CNPY1: variants seen among roughly 807,000 people sequenced by gnomAD.
The protein encoded by CNPY1 is protein canopy homolog 1.
CNPY1 carries 14 observed loss-of-function variants against 14.4 expected under a neutral mutation model. The ratio of observed to expected loss-of-function variants is 0.97; its 90% CI spans 0.64 to 1.52. The LOEUF is 1.52. CNPY1 is among the 40% of genes most tolerant of loss of function. The pLI, the probability that CNPY1 is intolerant of heterozygous loss-of-function variation, is 0.00. For synonymous variants in CNPY1, 43 were observed against 46.5 expected (o/e 0.92, Z 0.31); for missense variants, 129 against 131.5 (o/e 0.98, Z 0.09).
rs184310553 is a variant in CNPY1 at position 155,534,751 on chromosome 7, G to A, written c.99+11080C>T. 2.7e-3 allele frequency among the ~76,000 whole-genome samples: 406 copies of A among 152,334 alleles called. 12 individuals are homozygous for A. The highest frequency in any genetic ancestry group is 0.019 in the Admixed American group (296 of 15,306). On this transcript the variant is annotated intron_variant, in intron 2 of 4. Transcript: ENST00000636446. Reference sequence around the variant, plus strand: ...GGAACGTAATGGGACTCCGGCCTCCGGTGAAGGCCACAGTCAGGCCACAAC... The same window carrying A: ...GGAACGTAATGGGACTCCGGCCTCCAGTGAAGGCCACAGTCAGGCCACAAC...
intron 2 of CNPY1, among the ~76,000 whole-genome samples, chr7:155,535,239 G>A (rs1417698292): frequency 1.3e-5 from 2 of 152,182 alleles, no homozygotes; most frequent in East Asian, 3.8e-4. Flanking sequence ...TTGGTGCCAG[G>A]GCTTCAATCA....
intron 2 of CNPY1, among the ~76,000 whole-genome samples, chr7:155,534,610 G>C (rs563507999): frequency 3.9e-5 from 6 of 152,308 alleles, no homozygotes; most frequent in Admixed American, 3.9e-4. Flanking sequence ...CAGCGTCGCG[G>C]GATGGCCCAC....
At chr7:155,528,968 G>A (rs1169749269) in intron 2 of CNPY1, among the ~76,000 whole-genome samples, 1 of 152,080 alleles carries the variant, frequency 6.6e-6, no homozygotes, top group Non-Finnish European at 1.5e-5. Context: ...AGCTGAGGCA[G>A]GAGAATGGCG....
Position 155,542,410 on chromosome 7 carries a change from G to A in CNPY1, c.99+3421C>T, listed in dbSNP as rs562419974. ...AGGGAGCCAAGGAAGGAAGGTCCTGGGTGTGGGCATGGAAAGGCTCTTCAT... is the reference window on the plus strand; with the variant it reads ...AGGGAGCCAAGGAAGGAAGGTCCTGAGTGTGGGCATGGAAAGGCTCTTCAT... On this transcript the variant is annotated intron_variant, in intron 2 of 4. Transcript: ENST00000636446. Among the ~76,000 whole-genome samples, 4 of 152,262 alleles carry A rather than the reference G, an allele frequency of 2.6e-5. No homozygotes were observed. In the South Asian group the frequency reaches 6.2e-4, roughly 24 times the overall value.
At chr7:155,531,531 T>G (rs77345079) in intron 2 of CNPY1, among the ~76,000 whole-genome samples, 4,175 of 152,304 alleles carry the variant, frequency 0.027, 191 homozygotes, top group African/African-American at 0.095. Context: ...ACTTATAGGC[T>G]GCTCAAAGTG....
At chr7:155,511,172 T>C (rs1358341123) in intron 2 of CNPY1, among the ~76,000 whole-genome samples, 1 of 152,146 alleles carries the variant, frequency 6.6e-6, no homozygotes, top group East Asian at 1.9e-4. Flanking sequence ...TAAACATACT[T>C]GATACTTGGG....
intron 2 of CNPY1, among the ~76,000 whole-genome samples, chr7:155,544,225 T>TC (rs1585340043): frequency 6.6e-6 from 1 of 152,240 alleles, no homozygotes; most frequent in Non-Finnish European, 1.5e-5. Context: ...TTGGCCTGAC[T>TC]CCCCCCGCTC....
chr7:155,509,473 G>GGA (rs1178836392), intron 2 of CNPY1, among the ~76,000 whole-genome samples: 2 of 152,024 alleles, frequency 1.3e-5, no homozygotes, highest in Non-Finnish European at 2.9e-5. Flanking sequence ...GACAGAGAGA[G>GGA]GAGAGAGAGA....
rs183641482 is a variant in CNPY1, at chr7:155,503,085, T to C, written c.421A>G (p.Asn141Asp). ...CGGCACTCCTAGAGCTCAGTATGAT[T>C]AGCAGAAGTTTCACACAGATCTGGA... ...EKSDLCETSA[N>D]HTEL The change falls in exon 5 of 5, where the codon AAT becomes GAT. Residue 141 changes from asparagine (N) to aspartate (D), a missense_variant. Coordinates refer to ENST00000636446, the MANE Select transcript of CNPY1 (RefSeq NM_001393663.1). The C allele has an allele frequency of 3.1e-6, 5 of 1,605,686 alleles. No homozygotes were observed. The highest frequency in any genetic ancestry group is 4.2e-6 in the Non-Finnish European group (5 of 1,179,116).
chr7:155,524,914 C>G lies in CNPY1; in HGVS notation c.100-15817G>C, dbSNP rs1043995657. On this transcript the variant is annotated intron_variant, in intron 2 of 4. Coordinates refer to ENST00000636446, the MANE Select transcript of CNPY1 (RefSeq NM_001393663.1). ...TTAGGGACCACTGTTCTAAGGGGCC[C>G]AAGGGAAGATTCAGGTCTATTAGGT... Among the ~76,000 whole-genome samples the G allele has an allele frequency of 2.0e-5, 3 of 151,890 alleles. No individual in the cohort carries two copies. In the South Asian group the frequency reaches 6.3e-4, roughly 32 times the overall value.
chr7:155,529,989 G>C (rs181172841), intron 2 of CNPY1, among the ~76,000 whole-genome samples: 1 of 152,000 alleles, frequency 6.6e-6, no homozygotes, highest in South Asian at 2.1e-4. Flanking sequence ...TACCATGTTG[G>C]CCAGGCTGGT....
intron 2 of CNPY1, among the ~76,000 whole-genome samples, chr7:155,535,462 G>A (rs548233333): frequency 6.4e-4 from 98 of 152,246 alleles, no homozygotes; most frequent in African/African-American, 2.2e-3. Flanking sequence ...AATGGCAGCC[G>A]AACACACACA....
intron 2 of CNPY1, among the ~76,000 whole-genome samples, chr7:155,537,776 C>T (rs1190354190): frequency 6.6e-6 from 1 of 152,078 alleles, no homozygotes; most frequent in African/African-American, 2.4e-5. Flanking sequence ...TATAGTGTTC[C>T]ATCTTCTTAA....
Position 155,509,027 on chromosome 7 carries a change from T to TAGTC in CNPY1, c.166_169dup (p.Tyr57Ter), listed in dbSNP as rs1796429282. The TAGTC allele has an allele frequency of 6.2e-7, 1 of 1,612,980 alleles. No homozygotes were observed. The highest frequency in any genetic ancestry group is 1.1e-5 in the South Asian group (1 of 90,786). On this transcript the variant is annotated stop_gained and frameshift_variant, in exon 3 of 5. Coordinates refer to ENST00000636446, the MANE Select transcript of CNPY1 (RefSeq NM_001393663.1). LOFTEE classifies it high-confidence loss of function. ...CGTCACAGGGTCTTCCTCAAGCTTG[T>TAGTC]AGTCGTTCATTCGCTCACAGACTTT...
chr7:155,506,976 G>A (rs896324885), intron 4 of CNPY1, 44 bp downstream of exon 4: 1 of 1,267,402 alleles, frequency 7.9e-7, no homozygotes, highest in Non-Finnish European at 1.2e-6. Flanking sequence ...GTGAGAGAGA[G>A]AGGGTGTGCG....
At chr7:155,535,854 C>G (rs1340220813) in intron 2 of CNPY1, among the ~76,000 whole-genome samples, 1 of 152,192 alleles carries the variant, frequency 6.6e-6, no homozygotes, top group Admixed American at 6.5e-5. Context: ...ACCGATTCTG[C>G]TGTTCTCTGG....
At chr7:155,539,732 C>T (rs1209477504) in intron 2 of CNPY1, among the ~76,000 whole-genome samples, 2 of 152,154 alleles carry the variant, frequency 1.3e-5, no homozygotes, top group Non-Finnish European at 2.9e-5. Flanking sequence ...GCATGGGAGC[C>T]ATATGAAATA....
chr7:155,519,550 TAAATAAATAAATAAGA>T (rs1309625407), intron 2 of CNPY1, among the ~76,000 whole-genome samples: 5 of 145,126 alleles, frequency 3.4e-5, no homozygotes, highest in African/African-American at 1.3e-4. Flanking sequence ...AATAAATAAA[TAAATAAATAAATAAGA>T]AAGAAAGAAG....
At chr7:155,540,321 G>A (rs1797069981) in intron 2 of CNPY1, among the ~76,000 whole-genome samples, 1 of 152,106 alleles carries the variant, frequency 6.6e-6, no homozygotes, top group Non-Finnish European at 1.5e-5. Flanking sequence ...CTGGGGTCTC[G>A]TTCTCCTCAT....
Sources: allele counts gnomAD v4.1 joint callset (sites outside exome capture counted in the v4.1 genomes callset), GRCh38; gene constraint gnomAD v4.1.1; transcripts MANE v1.5; gene names NCBI Gene and HGNC (gene_info 2026-07-23, HGNC 2026-07-21).